TRAF3: variants seen among roughly 807,000 people sequenced by gnomAD.
TRAF3 encodes the protein TNF receptor associated factor 3.
Under a neutral mutation model 62.3 loss-of-function variants are expected in TRAF3, and 13 were observed. The observed-to-expected ratio is 0.21, with a 90% CI of 0.14 to 0.33. TRAF3 has a LOEUF of 0.33. TRAF3 is among the 10% of genes least tolerant of loss of function. TRAF3 has a pLI of 1.00. For synonymous variants in TRAF3, 269 were observed against 283.4 expected (o/e 0.95, Z 0.51); for missense variants, 440 against 741.8 (o/e 0.59, Z 4.73).
chr14:102,817,762 C>G (rs1171291615), intron 1 of TRAF3, among the ~76,000 whole-genome samples: 1 of 152,234 alleles, frequency 6.6e-6, no homozygotes, highest in African/African-American at 2.4e-5. Context: ...GGTTCTCTCT[C>G]CTGTGCCTTT....
intron 1 of TRAF3, among the ~76,000 whole-genome samples, chr14:102,785,943 C>T (rs1595278547): frequency 1.3e-5 from 2 of 152,264 alleles, no homozygotes; most frequent in Non-Finnish European, 2.9e-5. Context: ...GGCGTGAGAG[C>T]CTTCCCTGCC....
At chr14:102,878,889 TG>T (rs1888875403) in intron 6 of TRAF3, among the ~76,000 whole-genome samples, 1 of 149,770 alleles carries the variant, frequency 6.7e-6, no homozygotes, top group South Asian at 2.1e-4. Flanking sequence ...GTTGCTGGGG[TG>T]GGGGAAGGTT....
At chr14:102,786,665 C>T (rs1897517488) in intron 1 of TRAF3, among the ~76,000 whole-genome samples, 1 of 151,626 alleles carries the variant, frequency 6.6e-6, no homozygotes, top group Admixed American at 6.6e-5. Flanking sequence ...CCACCCTGGG[C>T]AACAAGAGTA....
intron 9 of TRAF3, 51 bp downstream of exon 9, chr14:102,891,468 T>A: frequency 6.4e-7 from 1 of 1,553,482 alleles, no homozygotes; most frequent in Non-Finnish European, 8.7e-7. Context: ...TCTCTTCAGA[T>A]TATTTAAAGA....
chr14:102,819,368 C>T (rs1274246172), intron 1 of TRAF3, among the ~76,000 whole-genome samples: 1 of 152,214 alleles, frequency 6.6e-6, no homozygotes, highest in East Asian at 1.9e-4. Context: ...GCCGTGTGAG[C>T]CGGAGCACTT....
At chr14:102,883,819 C>T (rs1409570885) in intron 6 of TRAF3, among the ~76,000 whole-genome samples, 1 of 152,182 alleles carries the variant, frequency 6.6e-6, no homozygotes, top group Non-Finnish European at 1.5e-5. Flanking sequence ...CTCCTGCCCC[C>T]AGGTAATCCG....
intron 7 of TRAF3, among the ~76,000 whole-genome samples, chr14:102,889,093 T>C (rs1284071532): frequency 6.6e-6 from 1 of 152,228 alleles, no homozygotes; most frequent in Admixed American, 6.5e-5. Flanking sequence ...TCAAGTATTA[T>C]GAGTAATGGT....
intron 9 of TRAF3, among the ~76,000 whole-genome samples, chr14:102,895,843 T>G (rs1280107752): frequency 6.6e-6 from 1 of 152,176 alleles, no homozygotes; most frequent in Non-Finnish European, 1.5e-5. Context: ...CTTTGGCTGA[T>G]GTGGGTTGCA....
intron 1 of TRAF3, among the ~76,000 whole-genome samples, chr14:102,805,949 G>A (rs1898746020): frequency 6.7e-6 from 1 of 149,652 alleles, no homozygotes; most frequent in African/African-American, 2.5e-5. Flanking sequence ...CTGTTTCCTT[G>A]GTTGTAGTTA....
At chr14:102,789,052 A>G (rs1296499664) in intron 1 of TRAF3, among the ~76,000 whole-genome samples, 1 of 151,850 alleles carries the variant, frequency 6.6e-6, no homozygotes, top group East Asian at 1.9e-4. Flanking sequence ...TCCCTTGATA[A>G]CCTCTAATCT....
intron 1 of TRAF3, among the ~76,000 whole-genome samples, chr14:102,788,377 TC>T (rs1897610856): frequency 6.6e-6 from 1 of 152,264 alleles, no homozygotes; most frequent in East Asian, 1.9e-4. Flanking sequence ...AGTTTAAAAA[TC>T]AGGCCAGGCA....
rs1890412654 is a variant in TRAF3, at chr14:102,903,480, G to A, written c.1135+51G>A. 2.5e-6 allele frequency: 4 copies of A among 1,611,082 alleles called. No individual in the cohort carries two copies. The highest frequency in any genetic ancestry group is 3.4e-6 in the Non-Finnish European group (4 of 1,178,750). ...AGCAGTGTGCATCTGGGCCCCGGGC[G>A]AGTGCTGGGGCGGGGTCCGTGGGAT... is the stretch of plus-strand genomic sequence containing the variant. On this transcript the variant is annotated intron_variant, in intron 11 of 11. Coordinates refer to ENST00000392745, the MANE Select transcript of TRAF3 (RefSeq NM_145725.3). The surrounding 1 kb of genome is among the most constrained non-coding windows in gnomAD (Gnocchi z 6.4).
chr14:102,792,431 G>T (rs1476002454), intron 1 of TRAF3, among the ~76,000 whole-genome samples: 2 of 115,462 alleles, frequency 1.7e-5, no homozygotes, highest in Non-Finnish European at 1.8e-5. Flanking sequence ...CCAGTTAATT[G>T]ATTTTTTTTT....
chr14:102,881,104 C>T (rs372809322), intron 6 of TRAF3, among the ~76,000 whole-genome samples: 4 of 151,982 alleles, frequency 2.6e-5, no homozygotes, highest in East Asian at 3.9e-4. Flanking sequence ...AAAGATCTGC[C>T]GGTCACGGTG....
intron 2 of TRAF3, among the ~76,000 whole-genome samples, chr14:102,831,595 C>G (rs1271840534): frequency 6.6e-6 from 1 of 152,186 alleles, no homozygotes; most frequent in Non-Finnish European, 1.5e-5. Context: ...CTGCCTTGCT[C>G]TCTGCCCAGT....
chr14:102,803,538 C>T (rs988331615), intron 1 of TRAF3, among the ~76,000 whole-genome samples: 2 of 151,770 alleles, frequency 1.3e-5, no homozygotes, highest in African/African-American at 4.8e-5. Flanking sequence ...TTTTAGTTAT[C>T]TAGGACTATA....
intron 1 of TRAF3, among the ~76,000 whole-genome samples, chr14:102,802,314 C>G (rs1252270789): frequency 5.0e-5 from 3 of 60,036 alleles, no homozygotes; most frequent in African/African-American, 6.7e-5. Flanking sequence ...GCCACCATGC[C>G]TGGCTAATTT....
intron 6 of TRAF3, among the ~76,000 whole-genome samples, chr14:102,883,938 T>C (rs1466157453): frequency 1.3e-5 from 2 of 152,214 alleles, no homozygotes; most frequent in Non-Finnish European, 2.9e-5. Flanking sequence ...TTTAATTTCA[T>C]AGATAGGACT....
At chr14:102,797,557 G>C (rs1898160278) in intron 1 of TRAF3, among the ~76,000 whole-genome samples, 1 of 152,046 alleles carries the variant, frequency 6.6e-6, no homozygotes, top group Admixed American at 6.6e-5. Context: ...AGAGACCAGT[G>C]GTCTAGTCCC....
Sources: allele counts gnomAD v4.1 joint callset (sites outside exome capture counted in the v4.1 genomes callset), GRCh38; gene constraint gnomAD v4.1.1; non-coding constraint Gnocchi (gnomAD v3.1); transcripts MANE v1.5; gene names NCBI Gene and HGNC (gene_info 2026-07-23, HGNC 2026-07-21).